Variants in ADGB observed in about 807,000 individuals in gnomAD.
ADGB encodes androglobin.
ADGB carries 172 observed loss-of-function variants against 210.5 expected under a neutral mutation model. The ratio of observed to expected loss-of-function variants is 0.82; its 90% CI spans 0.72 to 0.93. The LOEUF is 0.93. Ranked by LOEUF, ADGB falls within the 40% of genes least tolerant of loss-of-function variation. The pLI is 0.00. For synonymous variants in ADGB, 658 were observed against 662.7 expected, an observed-to-expected ratio of 0.99 and a Z score of 0.11; for missense variants, 2,025 against 1,964.8, an observed-to-expected ratio of 1.03 and a Z score of -0.58.
At chr6:146,662,639 C>G (rs1775878098) in intron 5 of ADGB, among the ~76,000 whole-genome samples, 1 of 151,692 alleles carries the variant, frequency 6.6e-6, no homozygotes, top group Non-Finnish European at 1.5e-5. Flanking sequence ...CTGTATTTTC[C>G]CATTGAAATT....
rs115790012 is a variant in ADGB, at chr6:146,612,153, C to T, written c.74+13039C>T. 5.5e-3 allele frequency among the ~76,000 whole-genome samples: 834 copies of T among 152,316 alleles called. 3 individuals carry two copies. The highest frequency in any genetic ancestry group is 0.015 in the African/African-American group (630 of 41,584). On this transcript the variant is annotated intron_variant, in intron 1 of 35. Transcript: ENST00000397944. ...CCTGGAGTTTTCCTCTCTTTCCCAT[C>T]TGCCTCCTGCTTTGTTTTCTGTCCT...
chr6:146,657,348 G>A (rs1175487527), intron 5 of ADGB, among the ~76,000 whole-genome samples: 1 of 151,702 alleles, frequency 6.6e-6, no homozygotes, highest in Non-Finnish European at 1.5e-5. Context: ...GAAAGAAAGA[G>A]AGAGAAGGAA....
At chr6:146,636,582 TATG>T (rs1404428926) in intron 2 of ADGB, among the ~76,000 whole-genome samples, 1 of 151,604 alleles carries the variant, frequency 6.6e-6, no homozygotes, top group Non-Finnish European at 1.5e-5. Context: ...ATTCAAAACT[TATG>T]GAGAGAGAGA....
Position 146,644,791 on chromosome 6 carries a change from GA to G in ADGB, c.258del (p.Gly87GlufsTer9). ...SPVFHFFEDP[E>X]GKIELPPSLK... Reference sequence around the variant, plus strand: ...TATATAGCATTTTTTTGAGGACCCTGAAGGAAAGATTGAGTTACCACCATCC... The same window carrying G: ...TATATAGCATTTTTTTGAGGACCCTGAGGAAAGATTGAGTTACCACCATCC... On this transcript the variant is annotated frameshift_variant, in exon 3 of 36. Transcript: ENST00000397944. LOFTEE classifies it high-confidence loss of function. 6.8e-7 allele frequency: 1 copy of G among 1,479,186 alleles called. No individual in the cohort carries two copies. The highest frequency in any genetic ancestry group is 9.0e-7 in the Non-Finnish European group (1 of 1,113,658). The allele number at this position is 1,479,186 out of a possible 1,614,324, so 91.6% of individuals were successfully genotyped here.
intron 10 of ADGB, among the ~76,000 whole-genome samples, chr6:146,690,036 C>A (rs1461162433): frequency 1.3e-5 from 2 of 152,066 alleles, no homozygotes; most frequent in East Asian, 1.9e-4. Context: ...TGAATATTTA[C>A]AATATTTTAA....
intron 12 of ADGB, among the ~76,000 whole-genome samples, chr6:146,695,204 T>C (rs577110750): frequency 6.6e-6 from 1 of 152,268 alleles, no homozygotes; most frequent in Non-Finnish European, 1.5e-5. Context: ...AGTTGTAGTT[T>C]TAATTTTGCT....
chr6:146,684,926 A>AT (rs1776202272), intron 9 of ADGB, among the ~76,000 whole-genome samples: 2 of 152,114 alleles, frequency 1.3e-5, no homozygotes, highest in Non-Finnish European at 2.9e-5. Context: ...TAAGTTTGGC[A>AT]GATTTTCATA....
At chr6:146,811,962 C>T (rs1435972682) in intron 35 of ADGB, among the ~76,000 whole-genome samples, 1 of 152,110 alleles carries the variant, frequency 6.6e-6, no homozygotes, top group Non-Finnish European at 1.5e-5. Context: ...GTGTGAGCCA[C>T]CGTGCCCAGC....
At chr6:146,689,847 A>G (rs1052914128) in intron 10 of ADGB, among the ~76,000 whole-genome samples, 6 of 152,176 alleles carry the variant, frequency 3.9e-5, no homozygotes, top group Non-Finnish European at 8.8e-5. Flanking sequence ...AAAAAGGTTT[A>G]GATCTTAGAA....
At chr6:146,804,576 C>T (rs377499742) in intron 35 of ADGB, among the ~76,000 whole-genome samples, 2 of 152,130 alleles carry the variant, frequency 1.3e-5, no homozygotes, top group African/African-American at 4.8e-5. Flanking sequence ...TTCTGTCACT[C>T]CCCACGTGCG....
In ADGB at chr6:146,785,730, C is replaced by A; in HGVS notation, c.4315+18C>A. The stretch of plus-strand genomic sequence containing the variant: ...AGAAGAAGGTGAGTGGATCCTACCA[C>A]CCCAGCTGCCTCAGAGCACAGAGCT... On this transcript the variant is annotated intron_variant, in intron 32 of 35. Coordinates refer to ENST00000397944, the MANE Select transcript of ADGB (RefSeq NM_024694.4). The A allele has an allele frequency of 6.6e-7, 1 of 1,512,514 alleles. No homozygotes were observed. Among genetic ancestry groups the A allele is most frequent in the South Asian group, 1.2e-5 (1 of 82,942 alleles). 93.7% of individuals were successfully genotyped at this position (1,512,514 alleles called of 1,614,324 possible). A position where few individuals can be genotyped will look rare whatever the true frequency, so the allele number is the denominator to read the frequency against.
At chr6:146,805,088 A>C (rs1237365468) in intron 35 of ADGB, among the ~76,000 whole-genome samples, 1 of 152,220 alleles carries the variant, frequency 6.6e-6, no homozygotes, top group Admixed American at 6.5e-5. Flanking sequence ...GGTTCAATAG[A>C]GCAACCTTCT....
intron 35 of ADGB, chr6:146,802,844 G>A: frequency 1.9e-6 from 3 of 1,609,738 alleles, no homozygotes; most frequent in Non-Finnish European, 2.5e-6. Flanking sequence ...TATATTACCA[G>A]TATATCCTGG....
At chr6:146,769,948 A>T (rs1485450940) in intron 29 of ADGB, among the ~76,000 whole-genome samples, 1 of 152,186 alleles carries the variant, frequency 6.6e-6, no homozygotes, top group Admixed American at 6.5e-5. Flanking sequence ...TTATGATAAG[A>T]CGTAAACTCT....
At position 146,733,961 on chromosome 6, in the gene ADGB, G is replaced by A. The variant is rs1777041963; in HGVS notation, c.2725G>A (p.Ala909Thr). The A allele has an allele frequency of 6.4e-7, 1 of 1,551,558 alleles. No individual in the cohort carries two copies. Among genetic ancestry groups the A allele is most frequent in the Non-Finnish European group, 8.7e-7 (1 of 1,146,878 alleles). The change falls in exon 22 of 36, where the codon GCA becomes ACA. Residue 909 changes from alanine (A) to threonine (T), a missense_variant. By Grantham distance (58) the Ala-to-Thr change is moderately conservative (BLOSUM62 0). Coordinates refer to ENST00000397944, the MANE Select transcript of ADGB (RefSeq NM_024694.4). ...DKEYSAEEVA[A>T]AIKIQAMWRG... ...AGAGTATTCTGCTGAGGAAGTAGCA[G>A]CAGCAATTAAAATTCAAGCCATGTG...
rs1045674648 is a variant in ADGB at position 146,721,416 on chromosome 6, G to A, written c.2006G>A (p.Arg669Gln). ...AATTTCTTGCAGTTCTCAGAAGAAC[G>A]AGTGTCCTACTATCTATTTGTAGAT... ...QKSEFKFSEERVSYYLFVDSL... is the reference protein window; with the variant it reads ...QKSEFKFSEEQVSYYLFVDSL... Residue 669 changes from arginine to glutamine, a missense_variant, in exon 17 of 36, where the codon CGA (arginine) becomes CAA (glutamine). Coordinates refer to ENST00000397944, the MANE Select transcript of ADGB (RefSeq NM_024694.4). 17 of 1,547,750 alleles carry A rather than the reference G, an allele frequency of 1.1e-5. No homozygotes were observed. Among genetic ancestry groups the A allele is most frequent in the African/African-American group, 5.5e-5 (4 of 72,932 alleles).
chr6:146,793,385 C>A (rs1261731542), intron 33 of ADGB, among the ~76,000 whole-genome samples: 1 of 152,186 alleles, frequency 6.6e-6, no homozygotes, highest in African/African-American at 2.4e-5. Context: ...CAGGACACCC[C>A]AGCTGCTGCT....
intron 1 of ADGB, among the ~76,000 whole-genome samples, chr6:146,627,854 C>T (rs1294106841): frequency 1.3e-5 from 2 of 152,070 alleles, no homozygotes; most frequent in Non-Finnish European, 2.9e-5. Flanking sequence ...GCCTGTGTTA[C>T]CTTGCAATCT....
At chr6:146,671,304 G>A (rs1034722684) in intron 7 of ADGB, among the ~76,000 whole-genome samples, 2 of 152,106 alleles carry the variant, frequency 1.3e-5, no homozygotes, top group African/African-American at 4.8e-5. Flanking sequence ...TATTCTTGAG[G>A]GGGGTCTTCT....
Sources: gnomAD v4.1 joint callset for allele counts (sites outside exome capture counted in the v4.1 genomes callset) on GRCh38, gnomAD v4.1.1 for gene constraint, MANE v1.5 for transcripts, NCBI Gene and HGNC (gene_info 2026-07-23, HGNC 2026-07-21) for gene names.